Variants in GPRIN2 observed in about 807,000 individuals in gnomAD.
GPRIN2 encodes the protein G protein regulated inducer of neurite outgrowth 2.
A neutral mutation model predicts 0.3 loss-of-function variants in GPRIN2; 1 was observed. That is an observed-to-expected ratio of 3.90 (90% CI 1.39 to 18.51). The LOEUF is 18.51. Among genes scored for constraint, GPRIN2 ranks in the 30% most tolerant of loss-of-function variants. GPRIN2 has a pLI of 0.11. For missense variants in GPRIN2, 880 were observed against 604.2 expected (o/e 1.46, Z -4.79); for synonymous variants, 361 against 258.6 (o/e 1.40, Z -3.80).
At chr10:46,550,819 C>T (rs1349854016) in intron 2 of GPRIN2, 77 bp from the exon 3 acceptor site, 3 of 1,453,316 alleles carry the variant, frequency 2.1e-6, no homozygotes, top group Non-Finnish European at 2.7e-6. Context: ...TGAACTCCCA[C>T]AGTGCTAGGT....
In GPRIN2 at chr10:46,555,938, A is replaced by C. The variant is rs1831869233; in HGVS notation, c.-118+560T>G. Among the ~76,000 whole-genome samples, 128,019 of 152,178 alleles carry C rather than the reference A, an allele frequency of 0.84. 51,933 individuals are homozygous for C. Among genetic ancestry groups the C allele is most frequent in the East Asian group, 0.95 (4,933 of 5,196 alleles). Reference sequence around the variant, plus strand: ...CCTGCTGCGGGGCCAAAGGCCTGAAAGCACCGCACCACGCAGCCTCGCCCA... The same window carrying C: ...CCTGCTGCGGGGCCAAAGGCCTGAACGCACCGCACCACGCAGCCTCGCCCA... On this transcript the variant is annotated intron_variant, in intron 1 of 2. Transcript: ENST00000374314.
intron 2 of GPRIN2, among the ~76,000 whole-genome samples, chr10:46,552,937 G>C (rs1842776558): frequency 6.6e-6 from 1 of 152,310 alleles, no homozygotes; most frequent in South Asian, 2.1e-4. Flanking sequence ...TGAGCTCTAA[G>C]ATGGACATAC....
At chr10:46,554,161 ATCT>A (rs1842915646) in intron 2 of GPRIN2, among the ~76,000 whole-genome samples, 1 of 152,306 alleles carries the variant, frequency 6.6e-6, no homozygotes, top group Non-Finnish European at 1.5e-5. Context: ...GTTAACAATA[ATCT>A]TCTCTTTCCC....
chr10:46,550,872 A>AGGCAGGCTGGGACT, intron 2 of GPRIN2, 130 bp from the exon 3 acceptor site: 1 of 1,027,802 alleles, frequency 9.7e-7, no homozygotes, highest in Non-Finnish European at 1.4e-6. Flanking sequence ...CTGACTGGTC[A>AGGCAGGCTGGGACT]GAACCATATG....
Position 46,547,131 on chromosome 10 carries a change from T to A in GPRIN2, c.*2229A>T, listed in dbSNP as rs1842231901. Among the ~76,000 whole-genome samples, 1 of 152,310 alleles carries A rather than the reference T, an allele frequency of 6.6e-6. No individual in the cohort carries two copies. The highest frequency in any genetic ancestry group is 1.5e-5 in the Non-Finnish European group (1 of 68,056). ...ATTCACCTTGACCCAGGTAGTGGCC[T>A]CACCCTCCTCTTGCTCAAACTGGAA... On this transcript the variant is annotated 3_prime_UTR_variant, in exon 3 of 3. Coordinates refer to ENST00000374314, the MANE Select transcript of GPRIN2 (RefSeq NM_001385282.1).
In GPRIN2 at chr10:46,542,043, C is replaced by T; in HGVS notation, c.*7317G>A. Among the ~76,000 whole-genome samples, 1 of 152,428 alleles carries T rather than the reference C, an allele frequency of 6.6e-6. No homozygotes were observed. The highest frequency in any genetic ancestry group is 2.1e-4 in the South Asian group (1 of 4,832). On this transcript the variant is annotated 3_prime_UTR_variant, in exon 3 of 3. Transcript: ENST00000374314. ...AAAAAAATCAAACCAAAGAGTTTTC[C>T]TCAAGAGTTGCAGGCTGGGCTTACA...
intron 2 of GPRIN2, among the ~76,000 whole-genome samples, chr10:46,552,545 GGCTGGTGGCT>G (rs1842732103): frequency 6.6e-6 from 1 of 152,312 alleles, no homozygotes; most frequent in Non-Finnish European, 1.5e-5. Context: ...CTCAGGAGAT[GGCTGGTGGCT>G]GCTGAGCCAC....
chr10:46,548,304 A>T lies in GPRIN2; in HGVS notation c.*1056T>A, dbSNP rs1842352632. Among the ~76,000 whole-genome samples, 1 of 152,014 alleles carries T rather than the reference A, an allele frequency of 6.6e-6. No homozygotes were observed. The highest frequency in any genetic ancestry group is 2.4e-5 in the African/African-American group (1 of 41,372). Reference sequence around the variant, plus strand: ...CCCACTGCCTAGCCTAGGTCAGGTCATGTGGGCAAGCGAGCCCCCACAGCC... The same window carrying T: ...CCCACTGCCTAGCCTAGGTCAGGTCTTGTGGGCAAGCGAGCCCCCACAGCC... On this transcript the variant is annotated 3_prime_UTR_variant, in exon 3 of 3. Coordinates refer to ENST00000374314, the MANE Select transcript of GPRIN2 (RefSeq NM_001385282.1).
chr10:46,555,423 A>G (rs1482296022), intron 1 of GPRIN2: 1 of 154,328 alleles, frequency 6.5e-6, no homozygotes, highest in Non-Finnish European at 1.4e-5. Context: ...CCCATTGCAC[A>G]GTGGGGATAC....
Position 46,549,669 on chromosome 10 carries a change from C to G in GPRIN2, c.1068G>C (p.Ala356=). The G allele has an allele frequency of 6.2e-7, 1 of 1,614,170 alleles. No individual in the cohort carries two copies. Among genetic ancestry groups the G allele is most frequent in the Non-Finnish European group, 8.5e-7 (1 of 1,179,962 alleles). The change falls in exon 3 of 3, where the codon GCG becomes GCC. Residue 356 remains alanine (A), a synonymous_variant. Transcript: ENST00000374314. ...KAVATSPSLE[A]PAALHVFPEV... is the part of the protein sequence containing the mutation. ...CTGGGAACACATGCAGGGCTGCAGG[C>G]GCTTCCAGGGACGGACTGGTGGCCA...
In GPRIN2 at chr10:46,547,942, A is replaced by T. The variant is rs1842318572; in HGVS notation, c.*1418T>A. Reference sequence around the variant, plus strand: ...TTGAAATGCCACTCCTGCTTTACAAATTCACCAACTGTTGCATGAGTCATT... The same window carrying T: ...TTGAAATGCCACTCCTGCTTTACAATTTCACCAACTGTTGCATGAGTCATT... On this transcript the variant is annotated 3_prime_UTR_variant, in exon 3 of 3. Transcript: ENST00000374314. Among the ~76,000 whole-genome samples, 1 of 152,304 alleles carries T rather than the reference A, an allele frequency of 6.6e-6. No individual in the cohort carries two copies. The highest frequency in any genetic ancestry group is 2.4e-5 in the African/African-American group (1 of 41,484).
chr10:46,547,450 G>A lies in GPRIN2; in HGVS notation c.*1910C>T, dbSNP rs2086574852. On this transcript the variant is annotated 3_prime_UTR_variant, in exon 3 of 3. Transcript: ENST00000374314. ...CTGGTCACCTCCCAACCCAACAAACGCTCCAAATGAGCCGCCACTGCAGAA... is the reference window on the plus strand; with the variant it reads ...CTGGTCACCTCCCAACCCAACAAACACTCCAAATGAGCCGCCACTGCAGAA... 0.029 allele frequency among the ~76,000 whole-genome samples: 4,259 copies of A among 148,570 alleles called. No homozygotes were observed. Among genetic ancestry groups the A allele is most frequent in the Non-Finnish European group, 0.042 (2,767 of 65,440 alleles).
At position 46,549,922 on chromosome 10, in the gene GPRIN2, G is replaced by A. The variant is rs1842467301; in HGVS notation, c.815C>T (p.Ala272Val). ...ACAGTGGATCTTCACCCCATGCTGA[G>A]CCTGCAGCCCAGACTCGCTCACTGA... ...VASVSESGLQ[A>V]QHGVKIHCRL... The change falls in exon 3 of 3, where the codon GCT becomes GTT. Residue 272 changes from alanine to valine, a missense_variant. Transcript: ENST00000374314. 1.9e-6 allele frequency: 3 copies of A among 1,614,166 alleles called. No individual in the cohort carries two copies. The highest frequency in any genetic ancestry group is 2.5e-6 in the Non-Finnish European group (3 of 1,180,066).
chr10:46,550,393 G>A lies in GPRIN2; in HGVS notation c.344C>T (p.Ala115Val). 3 of 1,612,032 alleles carry A rather than the reference G, an allele frequency of 1.9e-6. No homozygotes were observed. Among genetic ancestry groups the A allele is most frequent in the Non-Finnish European group, 2.5e-6 (3 of 1,179,658 alleles). The change falls in exon 3 of 3, where the codon GCT becomes GTT. Residue 115 changes from alanine to valine, a missense_variant. By Grantham distance (64) the Ala-to-Val change is moderately conservative. Transcript: ENST00000374314. Reference sequence around the variant, plus strand: ...GTCTGAATGGCTCCTCTGCATAGCAGCAGCACTAGGGGCCCGCAGGCGACA... The same window carrying A: ...GTCTGAATGGCTCCTCTGCATAGCAACAGCACTAGGGGCCCGCAGGCGACA... The part of the protein sequence containing the change: ...DLCRLRAPSA[A>V]AMQRSHSDLV...
intron 1 of GPRIN2, among the ~76,000 whole-genome samples, 131 bp downstream of exon 1, chr10:46,556,367 G>A (rs1187748551): frequency 6.6e-6 from 1 of 152,302 alleles, no homozygotes; most frequent in Admixed American, 6.5e-5. Flanking sequence ...TCTGGGCGCT[G>A]GGCAGGGGCC....
Position 46,550,076 on chromosome 10 carries a change from G to A in GPRIN2, c.661C>T (p.Leu221=), listed in dbSNP as rs1842475065. The stretch of plus-strand genomic sequence containing the variant: ...AGAGCATGGCAGGTGGTGGTAGCCA[G>A]CTGTTCAGCAGCTTTGGGCTCAGCC... ...AQAEPKAAEQ[L]ATTTCHALPP... is the part of the protein sequence containing the mutation. The change falls in exon 3 of 3, where the codon CTG becomes TTG. Residue 221 remains leucine, a synonymous_variant. Coordinates refer to ENST00000374314, the MANE Select transcript of GPRIN2 (RefSeq NM_001385282.1). 1 of 1,613,584 alleles carries A rather than the reference G, an allele frequency of 6.2e-7. No individual in the cohort carries two copies. The highest frequency in any genetic ancestry group is 8.5e-7 in the Non-Finnish European group (1 of 1,179,946).
Position 46,549,967 on chromosome 10 carries a change from G to T in GPRIN2, c.770C>A (p.Ala257Asp). 1 of 1,614,268 alleles carries T rather than the reference G, an allele frequency of 6.2e-7. No individual in the cohort carries two copies. Residue 257 changes from alanine (A) to aspartate (D), a missense_variant, in exon 3 of 3, where the codon GCC becomes GAC. Physicochemically the swap from Ala to Asp is moderately radical, Grantham distance 126. Transcript: ENST00000374314. Reference protein sequence around the residue: ...CHALPATGILAFPKLVASVSE... With the variant: ...CHALPATGILDFPKLVASVSE... ...CACTGACGCCACTAGTTTGGGAAAGGCCAGGATCCCTGTGGCAGGTAGGGC... is the reference window on the plus strand; with the variant it reads ...CACTGACGCCACTAGTTTGGGAAAGTCCAGGATCCCTGTGGCAGGTAGGGC...
Position 46,549,542 on chromosome 10 carries a change from C to G in GPRIN2, c.1195G>C (p.Asp399His). ...MTWEVYGAAV[D>H]LEVLGVAIQK... ...ATGGCCACACCGAGCACCTCCAGGTCCACCGCAGCTCCGTACACCTCCCAT... is the reference window on the plus strand; with the variant it reads ...ATGGCCACACCGAGCACCTCCAGGTGCACCGCAGCTCCGTACACCTCCCAT... Residue 399 changes from aspartate (D) to histidine (H), a missense_variant, in exon 3 of 3, where the codon GAC becomes CAC. Transcript: ENST00000374314. The G allele has an allele frequency of 1.2e-6, 2 of 1,613,624 alleles. No individual in the cohort carries two copies. The highest frequency in any genetic ancestry group is 1.7e-6 in the Non-Finnish European group (2 of 1,179,560).
upstream of GPRIN2, among the ~76,000 whole-genome samples, chr10:46,557,583 C>T (rs74131309): frequency 2.0e-5 from 3 of 152,270 alleles, no homozygotes; most frequent in South Asian, 2.1e-4. Flanking sequence ...TCCGCAATTC[C>T]CCGCAGCACC....
Sources: allele counts gnomAD v4.1 joint callset (sites outside exome capture counted in the v4.1 genomes callset), GRCh38; gene constraint gnomAD v4.1.1; transcripts MANE v1.5; gene names NCBI Gene and HGNC (gene_info 2026-07-23, HGNC 2026-07-21).